Variants in PRKCA observed in about 807,000 individuals in gnomAD.
The protein encoded by PRKCA is protein kinase C alpha, also known as protein kinase C alpha type.
PRKCA carries 27 observed loss-of-function variants against 87.0 expected under a neutral mutation model. The ratio of observed to expected loss-of-function variants is 0.31; its 90% CI spans 0.23 to 0.43. The LOEUF is 0.43. Ranked by LOEUF, PRKCA falls within the 20% of genes least tolerant of loss-of-function variation. The pLI, the probability that PRKCA is intolerant of heterozygous loss-of-function variation, is 1.00. For synonymous variants in PRKCA, 329 were observed against 311.1 expected (o/e 1.06, Z -0.61); for missense variants, 518 against 852.3 (o/e 0.61, Z 4.88).
intron 2 of PRKCA, among the ~76,000 whole-genome samples, chr17:66,470,391 T>C: frequency 9.9e-6 from 1 of 100,664 alleles, no homozygotes; most frequent in Non-Finnish European, 1.9e-5. Flanking sequence ...ACCATGCCCG[T>C]CTATTTTTGT....
In PRKCA at chr17:66,363,124, TCA is replaced by T. The variant is rs1908496039; in HGVS notation, c.205+57001_205+57002del. Among the ~76,000 whole-genome samples, 4 of 152,336 alleles carry T rather than the reference TCA, an allele frequency of 2.6e-5. No homozygotes were observed. The South Asian group carries it at 8.3e-4, about 32-fold the overall frequency. ...TCCCAGCAGTTGTACATCCTTTCAC[TCA>T]CACTAAAATTCATCCTGTTTTGCTT... On this transcript the variant is annotated intron_variant, in intron 2 of 16. Transcript: ENST00000413366.
At chr17:66,378,625 C>G (rs1189261065) in intron 2 of PRKCA, among the ~76,000 whole-genome samples, 1 of 151,892 alleles carries the variant, frequency 6.6e-6, no homozygotes, top group Non-Finnish European at 1.5e-5. Flanking sequence ...GCAGGCTGGG[C>G]GTAAAGTCTC....
chr17:66,406,716 G>A (rs948815093), intron 2 of PRKCA, among the ~76,000 whole-genome samples: 3 of 150,606 alleles, frequency 2.0e-5, no homozygotes, highest in Admixed American at 6.7e-5. Flanking sequence ...GGGCTAATCC[G>A]TTTGGGTGGT....
chr17:66,441,007 A>C (rs1913710856), intron 2 of PRKCA, among the ~76,000 whole-genome samples: 1 of 151,726 alleles, frequency 6.6e-6, no homozygotes, highest in African/African-American at 2.4e-5. Context: ...CTAAAAATAC[A>C]AAAAATTAGC....
chr17:66,409,024 C>A (rs1278389813), intron 2 of PRKCA, among the ~76,000 whole-genome samples: 1 of 130,434 alleles, frequency 7.7e-6, no homozygotes, highest in East Asian at 2.1e-4. Flanking sequence ...CGCACTCCCT[C>A]CCCAGTCTCA....
chr17:66,317,600 A>G (rs1905391505), intron 2 of PRKCA, among the ~76,000 whole-genome samples: 1 of 152,156 alleles, frequency 6.6e-6, no homozygotes, highest in Non-Finnish European at 1.5e-5. Flanking sequence ...TAAGTAGCCA[A>G]TCCCTTTTTC....
At chr17:66,553,168 G>T (rs552826770) in intron 3 of PRKCA, among the ~76,000 whole-genome samples, 2 of 151,978 alleles carry the variant, frequency 1.3e-5, no homozygotes, top group East Asian at 3.9e-4. Context: ...TTTTAGTAGA[G>T]GTGGGGTTTT....
At chr17:66,304,811 G>A (rs1313807326) in intron 1 of PRKCA, among the ~76,000 whole-genome samples, 1 of 152,164 alleles carries the variant, frequency 6.6e-6, no homozygotes, top group South Asian at 2.1e-4. Flanking sequence ...GTAGGTAGTC[G>A]TAGATAAGGC....
At chr17:66,470,720 A>G (rs980885173) in intron 2 of PRKCA, among the ~76,000 whole-genome samples, 36 of 152,298 alleles carry the variant, frequency 2.4e-4, no homozygotes, top group African/African-American at 8.7e-4. Flanking sequence ...GAAGGACTTG[A>G]CATTCTAGGA....
chr17:66,340,854 C>A (rs1042790942), intron 2 of PRKCA, among the ~76,000 whole-genome samples: 5 of 151,972 alleles, frequency 3.3e-5, no homozygotes, highest in African/African-American at 7.3e-5. Context: ...GTAGGGTAGC[C>A]AGTTGAAGTC....
intron 13 of PRKCA, among the ~76,000 whole-genome samples, chr17:66,771,603 A>AT (rs980075385): frequency 1.1e-4 from 16 of 150,498 alleles, no homozygotes; most frequent in East Asian, 2.0e-4. Context: ...CTTTTTTTTT[A>AT]TTTTTTTTGA....
intron 14 of PRKCA, chr17:66,777,394 A>C: frequency 1.0e-6 from 1 of 984,924 alleles, no homozygotes; most frequent in Non-Finnish European, 1.2e-6. Context: ...GACTGACATC[A>C]AAAGAGTGGT....
At chr17:66,494,168 C>T (rs1916363151) in intron 2 of PRKCA, among the ~76,000 whole-genome samples, 1 of 152,158 alleles carries the variant, frequency 6.6e-6, no homozygotes, top group East Asian at 1.9e-4. Context: ...GTATCTACTG[C>T]CATATGTGCA....
intron 2 of PRKCA, chr17:66,340,060 G>A (rs1383292325): frequency 6.6e-6 from 1 of 152,128 alleles, no homozygotes; most frequent in Non-Finnish European, 1.5e-5. Flanking sequence ...TTAACAGTAA[G>A]GACCATTTTG....
chr17:66,624,101 T>C (rs1970772653), intron 3 of PRKCA, among the ~76,000 whole-genome samples: 1 of 151,984 alleles, frequency 6.6e-6, no homozygotes, highest in Non-Finnish European at 1.5e-5. Flanking sequence ...CCGGACTAAG[T>C]AGGCACTGGG....
chr17:66,595,561 G>C (rs906516821), intron 3 of PRKCA, among the ~76,000 whole-genome samples: 16 of 145,218 alleles, frequency 1.1e-4, no homozygotes, highest in Non-Finnish European at 2.2e-4. Context: ...CCAGGTTCAC[G>C]CTATTCTCCT....
chr17:66,686,532 A>C (rs1352358069), intron 5 of PRKCA, among the ~76,000 whole-genome samples: 1 of 152,166 alleles, frequency 6.6e-6, no homozygotes, highest in African/African-American at 2.4e-5. Context: ...CTTGAGCCAC[A>C]TTCCTTGGAG....
chr17:66,719,125 T>C (rs1297292816), intron 8 of PRKCA, among the ~76,000 whole-genome samples: 1 of 152,236 alleles, frequency 6.6e-6, no homozygotes, highest in African/African-American at 2.4e-5. Flanking sequence ...ACTTCAAGGA[T>C]GCACACATAT....
intron 2 of PRKCA, among the ~76,000 whole-genome samples, chr17:66,470,137 A>C (rs559201525): frequency 7.3e-5 from 11 of 150,138 alleles, no homozygotes; most frequent in African/African-American, 2.4e-4. Context: ...CACATGAAGG[A>C]GATTCCCCTG....
Sources: gnomAD v4.1 joint callset for allele counts (sites outside exome capture counted in the v4.1 genomes callset) on GRCh38, gnomAD v4.1.1 for gene constraint, MANE v1.5 for transcripts, NCBI Gene and HGNC (gene_info 2026-07-23, HGNC 2026-07-21) for gene names.